The following FAM78B variants were observed in gnomAD, a reference collection of about 807,000 sequenced individuals.
FAM78B encodes family with sequence similarity 78 member B.
A neutral mutation model predicts 20.0 loss-of-function variants in FAM78B; 10 were observed. That is an observed-to-expected ratio of 0.50 (90% CI 0.31 to 0.85). FAM78B has a LOEUF of 0.85. Ranked by LOEUF, FAM78B falls within the 40% of genes least tolerant of loss-of-function variation. FAM78B has a pLI of 0.05. For missense variants in FAM78B, 283 were observed against 345.0 expected (o/e 0.82, Z 1.42); for synonymous variants, 135 against 132.8 (o/e 1.02, Z -0.12).
chr1:166,075,028 A>G (rs2101714578), intron 1 of FAM78B, among the ~76,000 whole-genome samples: 1 of 152,314 alleles, frequency 6.6e-6, no homozygotes, highest in Non-Finnish European at 1.5e-5. Flanking sequence ...TCCAGGAAAC[A>G]GAGAACACTG....
At chr1:166,124,238 C>T (rs549252450) in intron 1 of FAM78B, among the ~76,000 whole-genome samples, 18 of 152,196 alleles carry the variant, frequency 1.2e-4, no homozygotes, top group Non-Finnish European at 2.4e-4. Context: ...GTCATCCTTC[C>T]ACATTCAATT....
chr1:166,083,127 A>G (rs1652648138), intron 1 of FAM78B, among the ~76,000 whole-genome samples: 2 of 152,214 alleles, frequency 1.3e-5, no homozygotes, highest in South Asian at 4.1e-4. Context: ...GAATTCTGCT[A>G]TTATAGGCAA....
exon 3 of FAM78B, chr1:166,059,606 G>C (rs1004821224): frequency 1.3e-5 from 2 of 152,270 alleles, no homozygotes; most frequent in Non-Finnish European, 2.9e-5. Context: ...TTAGGCTGAA[G>C]ATGGCTGGTC....
chr1:166,127,298 A>C (rs954529678), intron 1 of FAM78B, among the ~76,000 whole-genome samples: 1 of 152,222 alleles, frequency 6.6e-6, no homozygotes, highest in African/African-American at 2.4e-5. Context: ...CCCTAGACAG[A>C]GACTGCATAT....
chr1:166,162,196 A>C (rs972161172), intron 1 of FAM78B, among the ~76,000 whole-genome samples: 2 of 152,232 alleles, frequency 1.3e-5, no homozygotes, highest in Admixed American at 6.5e-5. Context: ...GAGCAGTTTC[A>C]GAATGGATAG....
chr1:166,144,986 A>C (rs764627899), intron 1 of FAM78B, among the ~76,000 whole-genome samples: 14 of 152,142 alleles, frequency 9.2e-5, no homozygotes, highest in Non-Finnish European at 2.1e-4. Context: ...AGGACTCACC[A>C]CCACCTACCA....
intron 1 of FAM78B, among the ~76,000 whole-genome samples, chr1:166,071,082 GGA>G (rs1304284703): frequency 2.0e-5 from 3 of 152,164 alleles, no homozygotes; most frequent in Admixed American, 2.0e-4. Context: ...GCAGTTTAGA[GGA>G]ATTCCATTAC....
rs1263624938 is a variant in FAM78B, at chr1:166,166,382, G to C, written c.-134C>G. ...CAGACTCAGCTCGCACCTAGGAGCGGGGAGCCGCCGGGCATCCTTGGGGAA... is the reference window on the plus strand; with the variant it reads ...CAGACTCAGCTCGCACCTAGGAGCGCGGAGCCGCCGGGCATCCTTGGGGAA... On this transcript the variant is annotated 5_prime_UTR_variant, in exon 1 of 2. Coordinates refer to ENST00000354422, the MANE Select transcript of FAM78B (RefSeq NM_001017961.5). 2.3e-5 allele frequency: 18 copies of C among 776,140 alleles called. No individual in the cohort carries two copies. Among genetic ancestry groups the C allele is most frequent in the Non-Finnish European group, 2.5e-5 (16 of 629,984 alleles). 48.1% of individuals were successfully genotyped at this position (776,140 alleles called of 1,614,324 possible). A position where few individuals can be genotyped will look rare whatever the true frequency, so the allele number is the denominator to read the frequency against.
intron 1 of FAM78B, among the ~76,000 whole-genome samples, chr1:166,104,816 G>A (rs528313995): frequency 6.1e-4 from 93 of 152,230 alleles, no homozygotes; most frequent in Admixed American, 1.2e-3. Context: ...TCCCTATCAA[G>A]CTACCAATGA....
At chr1:166,057,365 C>G (rs1274854084), downstream of FAM78B, 1 of 152,090 alleles carries the variant, frequency 6.6e-6, no homozygotes, top group Non-Finnish European at 1.5e-5. Context: ...TGGGGCCATC[C>G]CCAGGTTTTG....
In FAM78B at chr1:166,070,052, G is replaced by A. The variant is rs761908603; in HGVS notation, c.*189C>T. ...GTGATTTCTTTATTCCTAAGAGGAA[G>A]GGATTTTTCCTAAGGATTATGGTTC... On this transcript the variant is annotated 3_prime_UTR_variant, in exon 2 of 2. Coordinates refer to ENST00000354422, the MANE Select transcript of FAM78B (RefSeq NM_001017961.5). 1.6e-6 allele frequency: 2 copies of A among 1,263,330 alleles called. No homozygotes were observed. The highest frequency in any genetic ancestry group is 2.0e-6 in the Non-Finnish European group (2 of 1,000,516). The allele number at this position is 1,263,330 out of a possible 1,614,324, so 78.3% of individuals were successfully genotyped here.
intron 1 of FAM78B, among the ~76,000 whole-genome samples, chr1:166,135,968 C>T (rs1284282968): frequency 6.6e-6 from 1 of 152,214 alleles, no homozygotes; most frequent in Non-Finnish European, 1.5e-5. Context: ...GAGATCTAGT[C>T]TCCTAAGACC....
intron 1 of FAM78B, among the ~76,000 whole-genome samples, chr1:166,087,933 C>G (rs987741772): frequency 5.3e-5 from 8 of 152,110 alleles, no homozygotes; most frequent in African/African-American, 1.9e-4. Flanking sequence ...GAGTGCCGCT[C>G]AGGCTGGAGA....
At chr1:166,150,513 A>C (rs1158464987) in intron 1 of FAM78B, among the ~76,000 whole-genome samples, 1 of 152,216 alleles carries the variant, frequency 6.6e-6, no homozygotes, top group East Asian at 1.9e-4. Context: ...AATTTGCAAA[A>C]ATAAATTCCT....
chr1:166,150,343 G>C (rs1030303085), intron 1 of FAM78B, among the ~76,000 whole-genome samples: 1 of 152,190 alleles, frequency 6.6e-6, no homozygotes, highest in Non-Finnish European at 1.5e-5. Flanking sequence ...TAGATAGGCA[G>C]CTTGCTTTGA....
At position 166,139,563 on chromosome 1, in the gene FAM78B, G is replaced by A. The variant is rs535201674; in HGVS notation, c.263+26423C>T. 3.9e-5 allele frequency among the ~76,000 whole-genome samples: 6 copies of A among 152,296 alleles called. No homozygotes were observed. The South Asian group carries it at 1.0e-3, about 26-fold the overall frequency. On this transcript the variant is annotated intron_variant, in intron 1 of 1. Transcript: ENST00000354422. ...AGGGAACAGAGAAGGAGCCCATAAG[G>A]CAGCCTTGGGGAGGTGGTGAAGTCT...
chr1:166,133,055 T>C (rs1654932025), intron 1 of FAM78B, among the ~76,000 whole-genome samples: 2 of 152,198 alleles, frequency 1.3e-5, no homozygotes, highest in South Asian at 2.1e-4. Flanking sequence ...AGGAAAGGTA[T>C]GAGTTGTTCA....
chr1:166,127,588 A>AAT (rs1468770386), intron 1 of FAM78B, among the ~76,000 whole-genome samples: 5 of 152,346 alleles, frequency 3.3e-5, no homozygotes, highest in Non-Finnish European at 7.4e-5. Flanking sequence ...TTAGGTGCTC[A>AAT]ATAAATAGCT....
intron 1 of FAM78B, among the ~76,000 whole-genome samples, chr1:166,100,707 G>T (rs1382443240): frequency 6.6e-6 from 1 of 152,232 alleles, no homozygotes; most frequent in African/African-American, 2.4e-5. Context: ...GCTCGAACTG[G>T]GTGAAGCCCA....
Sources: gnomAD v4.1 joint callset for allele counts (sites outside exome capture counted in the v4.1 genomes callset) on GRCh38, gnomAD v4.1.1 for gene constraint, MANE v1.5 for transcripts, NCBI Gene and HGNC (gene_info 2026-07-23, HGNC 2026-07-21) for gene names.